The following EPHA6 variants were observed in gnomAD, a reference collection of about 807,000 sequenced individuals.
The protein encoded by EPHA6 is ephrin type-A receptor 6.
A neutral mutation model predicts 112.0 loss-of-function variants in EPHA6; 50 were observed. The observed-to-expected ratio is 0.45, with a 90% CI of 0.36 to 0.56. EPHA6 has a LOEUF of 0.56. EPHA6 is among the 20% of genes least tolerant of loss of function. The probability of loss-of-function intolerance (pLI) is 0.00; values close to 1 mark genes in which losing one functional copy is unlikely to be tolerated. For missense variants in EPHA6, 1,280 were observed against 1,417.4 expected, an observed-to-expected ratio of 0.90 and a Z score of 1.56; for synonymous variants, 529 against 490.7, an observed-to-expected ratio of 1.08 and a Z score of -1.03.
At chr3:97,648,148 A>G in intron 14 of EPHA6, 1 of 436,672 alleles carries the variant, frequency 2.3e-6, no homozygotes, top group East Asian at 3.4e-5. Context: ...TCCATGGCAA[A>G]TTTTGGTTTT....
intron 2 of EPHA6, among the ~76,000 whole-genome samples, chr3:96,943,205 A>G (rs2041072386): frequency 1.3e-5 from 2 of 151,962 alleles, no homozygotes; most frequent in Admixed American, 6.6e-5. Flanking sequence ...TTTTGTATAT[A>G]TATATTTTTT....
intron 3 of EPHA6, among the ~76,000 whole-genome samples, chr3:97,215,736 T>C (rs920276443): frequency 2.0e-5 from 3 of 152,198 alleles, no homozygotes; most frequent in Non-Finnish European, 2.9e-5. Context: ...ATTGTTATTT[T>C]AAGCAATCAT....
At chr3:97,361,230 C>T (rs1003161362) in intron 5 of EPHA6, among the ~76,000 whole-genome samples, 1 of 152,116 alleles carries the variant, frequency 6.6e-6, no homozygotes, top group Non-Finnish European at 1.5e-5. Flanking sequence ...AGTAAGAAAC[C>T]GTGTTAATAA....
intron 16 of EPHA6, chr3:97,745,275 A>G (rs1171859656): frequency 2.6e-6 from 1 of 379,798 alleles, no homozygotes; most frequent in South Asian, 2.0e-5. Flanking sequence ...GAAACTTTGA[A>G]TAAATACAGC....
At chr3:97,145,494 A>G (rs1271277930) in intron 3 of EPHA6, among the ~76,000 whole-genome samples, 6 of 151,270 alleles carry the variant, frequency 4.0e-5, no homozygotes, top group Admixed American at 6.6e-5. Context: ...TTCCTAGTTT[A>G]AATTTTAAAA....
At chr3:97,232,464 A>G (rs772290831) in intron 4 of EPHA6, among the ~76,000 whole-genome samples, 17 of 152,106 alleles carry the variant, frequency 1.1e-4, no homozygotes, top group Non-Finnish European at 1.6e-4. Context: ...TAAAAACAAT[A>G]ATGATAATAA....
rs536714623 is a variant in EPHA6 at position 97,542,877 on chromosome 3, G to A, written c.2386+10334G>A. ...TGAGCATTTTTTCGTGTGTTTTTTG[G>A]CTGCATAAATGTCTTCTTGTGAGAA... On this transcript the variant is annotated intron_variant, in intron 11 of 17. Transcript: ENST00000389672. 3.0e-3 allele frequency among the ~76,000 whole-genome samples: 463 copies of A among 152,138 alleles called. 2 individuals are homozygous for A. The highest frequency in any genetic ancestry group is 0.016 in the South Asian group (75 of 4,808).
intron 3 of EPHA6, among the ~76,000 whole-genome samples, chr3:97,100,114 C>T (rs1295302133): frequency 1.1e-4 from 16 of 151,760 alleles, no homozygotes. Flanking sequence ...GCAGGAGGAA[C>T]TAGCAAAACA....
In EPHA6 at chr3:97,019,878, T is replaced by C. The variant is rs565508316; in HGVS notation, c.1114+31885T>C. Among the ~76,000 whole-genome samples, 8 of 152,290 alleles carry C rather than the reference T, an allele frequency of 5.3e-5. No homozygotes were observed. In the South Asian group the frequency reaches 1.7e-3, roughly 32 times the overall value. ...CTGTGATGTTTACTGTGTGTAGTAT[T>C]TGTATATAGGTGTCGTCATTTGAAT... On this transcript the variant is annotated intron_variant, in intron 3 of 17. Transcript: ENST00000389672.
intron 6 of EPHA6, among the ~76,000 whole-genome samples, chr3:97,409,105 G>GT (rs1215155568): frequency 1.3e-5 from 2 of 151,986 alleles, no homozygotes; most frequent in Admixed American, 6.6e-5. Context: ...CCTCTAACAA[G>GT]TTTTTTAAAG....
chr3:96,902,415 G>T (rs1292326201), intron 2 of EPHA6, among the ~76,000 whole-genome samples: 4 of 152,072 alleles, frequency 2.6e-5, no homozygotes, highest in African/African-American at 9.7e-5. Flanking sequence ...TTACCTCTTT[G>T]GCTGGAGGGG....
chr3:97,187,055 GT>G (rs1404369837), intron 3 of EPHA6, among the ~76,000 whole-genome samples: 3 of 152,080 alleles, frequency 2.0e-5, no homozygotes, highest in Non-Finnish European at 4.4e-5. Context: ...CATTAACTAA[GT>G]TATGTTGTCA....
chr3:96,918,869 C>A (rs1229437151), intron 2 of EPHA6, among the ~76,000 whole-genome samples: 1 of 151,876 alleles, frequency 6.6e-6, no homozygotes, highest in Non-Finnish European at 1.5e-5. Flanking sequence ...AATTTCAGTT[C>A]TAACCTACTA....
At chr3:97,144,045 C>T (rs904176876) in intron 3 of EPHA6, among the ~76,000 whole-genome samples, 1 of 151,668 alleles carries the variant, frequency 6.6e-6, no homozygotes, top group Non-Finnish European at 1.5e-5. Context: ...GTGGTTTTTG[C>T]AGTCTCCGTG....
chr3:97,257,189 T>C (rs1221040165), intron 5 of EPHA6, among the ~76,000 whole-genome samples: 2 of 151,798 alleles, frequency 1.3e-5, no homozygotes, highest in African/African-American at 4.8e-5. Context: ...ACAGATATGG[T>C]AAAAATAAAA....
chr3:97,172,595 GT>G (rs886309042), intron 3 of EPHA6, among the ~76,000 whole-genome samples: 5 of 151,886 alleles, frequency 3.3e-5, no homozygotes, highest in Non-Finnish European at 7.4e-5. Flanking sequence ...ATGCCAAATA[GT>G]TTTTTTGGGG....
chr3:97,531,937 T>C (rs2092700168), intron 10 of EPHA6, among the ~76,000 whole-genome samples: 1 of 152,070 alleles, frequency 6.6e-6, no homozygotes, highest in African/African-American at 2.4e-5. Flanking sequence ...CCCAGTCATA[T>C]GACCTAGGGG....
intron 3 of EPHA6, among the ~76,000 whole-genome samples, chr3:97,066,707 G>T (rs2046189419): frequency 6.6e-6 from 1 of 152,174 alleles, no homozygotes; most frequent in Admixed American, 6.5e-5. Flanking sequence ...GGCTATTTAG[G>T]AACTGTAGAG....
chr3:97,214,467 G>T (rs2077974732), intron 3 of EPHA6, among the ~76,000 whole-genome samples: 1 of 142,558 alleles, frequency 7.0e-6, no homozygotes, highest in Non-Finnish European at 1.5e-5. Flanking sequence ...GGCAACAAGA[G>T]CGAAACTTTG....
Sources: gnomAD v4.1 joint callset for allele counts (sites outside exome capture counted in the v4.1 genomes callset) on GRCh38, gnomAD v4.1.1 for gene constraint, MANE v1.5 for transcripts, NCBI Gene and HGNC (gene_info 2026-07-23, HGNC 2026-07-21) for gene names.